The following ARID1B variants were observed in gnomAD, a reference collection of about 807,000 sequenced individuals.
The protein encoded by ARID1B is AT-rich interaction domain 1B.
Under a neutral mutation model 212.3 loss-of-function variants are expected in ARID1B, and 30 were observed. That is an observed-to-expected ratio of 0.14 (90% CI 0.11 to 0.19). The LOEUF is 0.19. ARID1B is among the 10% of genes least tolerant of loss of function. The probability of loss-of-function intolerance (pLI) is 1.00; values close to 1 mark genes in which losing one functional copy is unlikely to be tolerated. For synonymous variants in ARID1B, 1,402 were observed against 1,301.7 expected (o/e 1.08, Z -1.66); for missense variants, 2,891 against 3,204.0 (o/e 0.90, Z 2.36).
chr6:156,988,080 AT>A (rs1778044010), intron 4 of ARID1B, among the ~76,000 whole-genome samples: 2 of 152,188 alleles, frequency 1.3e-5, no homozygotes, highest in East Asian at 3.9e-4. Context: ...CTCTAAAAAA[AT>A]CTGATCTATT....
rs557393827 is a variant in ARID1B at position 156,892,048 on chromosome 6, T to C, written c.1987-9328T>C. On this transcript the variant is annotated intron_variant, in intron 2 of 19. Transcript: ENST00000636930. ...CACCACACCCAGCGAATTTTCTTTT[T>C]TTTTTTTTTTTCTTTTTTTTTTTGT... Among the ~76,000 whole-genome samples, 758 of 91,858 alleles carry C rather than the reference T, an allele frequency of 8.3e-3. 7 individuals are homozygous for C. Among genetic ancestry groups the C allele is most frequent in the African/African-American group, 0.026 (690 of 26,734 alleles). The allele number at this position is 91,858 out of a possible 152,430, so 60.3% of individuals were successfully genotyped here. A position where few individuals can be genotyped will look rare whatever the true frequency, so the allele number is the denominator to read the frequency against.
At chr6:156,877,193 T>C (rs1216738870) in intron 2 of ARID1B, among the ~76,000 whole-genome samples, 1 of 152,232 alleles carries the variant, frequency 6.6e-6, no homozygotes, top group East Asian at 1.9e-4. Context: ...TATGTTATTC[T>C]CCTGCTTAAA....
At chr6:157,032,687 T>C (rs1475316331) in intron 4 of ARID1B, among the ~76,000 whole-genome samples, 2 of 152,214 alleles carry the variant, frequency 1.3e-5, no homozygotes, top group African/African-American at 2.4e-5. Context: ...AATGTTATTA[T>C]TGACTTATTT....
At chr6:157,045,520 G>T (rs1782175228) in intron 4 of ARID1B, among the ~76,000 whole-genome samples, 1 of 152,108 alleles carries the variant, frequency 6.6e-6, no homozygotes, top group African/African-American at 2.4e-5. Context: ...AGGCTGGAGT[G>T]CAGTGGCACC....
chr6:157,200,782 C>T lies in ARID1B; in HGVS notation c.4557C>T (p.Tyr1519=), dbSNP rs1794042593. The change falls in exon 18 of 20, where the codon TAC becomes TAT. Residue 1519 remains tyrosine, a synonymous_variant. Coordinates refer to ENST00000636930, the MANE Select transcript of ARID1B (RefSeq NM_001374828.1). This position sits in a 1 kb window ranked among gnomAD's most constrained non-coding sequence, Gnocchi z 4.3. ...RHEGDMYNMQ[Y]SSQQQEMYNQ... ...AGGGCGACATGTACAACATGCAGTA[C>T]AGCAGCCAGCAGCAGGAGATGTACA... The T allele has an allele frequency of 6.2e-7, 1 of 1,614,096 alleles. No homozygotes were observed. The highest frequency in any genetic ancestry group is 8.5e-7 in the Non-Finnish European group (1 of 1,180,010).
At chr6:156,945,233 CTT>C (rs1164805779) in intron 4 of ARID1B, among the ~76,000 whole-genome samples, 96 of 32,584 alleles carry the variant, frequency 2.9e-3, no homozygotes, top group Non-Finnish European at 3.7e-3. Context: ...CCGCATCCGG[CTT>C]TTTTTTTTTT....
At chr6:157,004,897 C>CTTTTCTGTTT (rs1779129220) in intron 4 of ARID1B, among the ~76,000 whole-genome samples, 1 of 54,740 alleles carries the variant, frequency 1.8e-5, no homozygotes, top group African/African-American at 7.2e-5. Context: ...CTTCTTTTTT[C>CTTTTCTGTTT]TTTTTTTTTT....
In ARID1B at chr6:157,133,143, T is replaced by C. The variant is rs1331471442; in HGVS notation, c.2697T>C (p.Ser899=). ...GGGGCCAGATGCATGCTGGAATCAGTAGCTTTCAGCAGAGTAACTCAAGTG... is the reference window on the plus strand; with the variant it reads ...GGGGCCAGATGCATGCTGGAATCAGCAGCTTTCAGCAGAGTAACTCAAGTG... ...SPGGQMHAGI[S]SFQQSNSSGT... is the part of the protein sequence containing the mutation. Residue 899 remains serine (S), a synonymous_variant, in exon 7 of 20, where the codon AGT becomes AGC. Coordinates refer to ENST00000636930, the MANE Select transcript of ARID1B (RefSeq NM_001374828.1). 6.2e-7 allele frequency: 1 copy of C among 1,614,022 alleles called. No homozygotes were observed. Among genetic ancestry groups the C allele is most frequent in the African/African-American group, 1.3e-5 (1 of 74,904 alleles).
At chr6:157,092,062 G>T (rs969082432) in intron 5 of ARID1B, among the ~76,000 whole-genome samples, 2 of 152,126 alleles carry the variant, frequency 1.3e-5, no homozygotes, top group Admixed American at 6.5e-5. Flanking sequence ...AACACAAAAT[G>T]CCATTGATAT....
At chr6:157,111,630 T>A (rs1161250527) in intron 6 of ARID1B, among the ~76,000 whole-genome samples, 1 of 152,164 alleles carries the variant, frequency 6.6e-6, no homozygotes, top group Non-Finnish European at 1.5e-5. Flanking sequence ...AATTATGAGG[T>A]TTAAGTTATT....
intron 7 of ARID1B, among the ~76,000 whole-genome samples, chr6:157,141,604 A>G (rs956497622): frequency 1.3e-5 from 2 of 152,236 alleles, no homozygotes; most frequent in Non-Finnish European, 2.9e-5. Flanking sequence ...AGAAAGATAG[A>G]ATTGAAAGAA....
In ARID1B at chr6:156,817,576, C is replaced by T. The variant is rs554408480; in HGVS notation, c.1792-11651C>T. On this transcript the variant is annotated intron_variant, in intron 1 of 19. Coordinates refer to ENST00000636930, the MANE Select transcript of ARID1B (RefSeq NM_001374828.1). The stretch of plus-strand genomic sequence containing the variant: ...GCCCAGGAGTTTGAGGCTGTGTGAG[C>T]TGATTGCACCACTGCACTCCAGCCT... Among the ~76,000 whole-genome samples the T allele has an allele frequency of 4.7e-5, 7 of 150,534 alleles. No homozygotes were observed. In the East Asian group the frequency reaches 9.8e-4, roughly 21 times the overall value.
chr6:157,123,031 A>G (rs189893404), intron 6 of ARID1B, among the ~76,000 whole-genome samples: 2 of 152,162 alleles, frequency 1.3e-5, no homozygotes, highest in African/African-American at 4.8e-5. Flanking sequence ...CCCCACAAAA[A>G]ACCTAATGGG....
intron 1 of ARID1B, among the ~76,000 whole-genome samples, chr6:156,828,079 T>TTTTA (rs1782880471): frequency 6.7e-6 from 1 of 150,044 alleles, no homozygotes; most frequent in South Asian, 2.1e-4. Flanking sequence ...TTTTTTTTTT[T>TTTTA]CAAGAGACAG....
In ARID1B at chr6:157,210,088, C is replaced by G. The variant is rs1025059256; in HGVS notation, c.*2197C>G. The G allele has an allele frequency of 8.6e-6, 2 of 232,658 alleles. No individual in the cohort carries two copies. The highest frequency in any genetic ancestry group is 1.7e-5 in the Non-Finnish European group (2 of 117,822). The allele number at this position is 232,658 out of a possible 1,614,324, so 14.4% of individuals were successfully genotyped here. A position where few individuals can be genotyped will look rare whatever the true frequency, so the allele number is the denominator to read the frequency against. On this transcript the variant is annotated 3_prime_UTR_variant, in exon 20 of 20. Transcript: ENST00000636930. ...TGTGAGACGTGACTCTCCAGTGTCA[C>G]GAGGAAAAAAATCATCTTTTCTGCA...
In ARID1B at chr6:157,190,058, ACGACCCATT is replaced by A; in HGVS notation, c.4081_4089del (p.Asp1361_Phe1363del). The A allele has an allele frequency of 6.2e-7, 1 of 1,614,192 alleles. No individual in the cohort carries two copies. The highest frequency in any genetic ancestry group is 1.3e-5 in the African/African-American group (1 of 75,070). ...TTCAGAAGCAGTACAATCAGTGTGCACGACCCATTCTCAGATGTGAGTGATTCATCCTTC... is the reference window on the plus strand; with the variant it reads ...TTCAGAAGCAGTACAATCAGTGTGCACTCAGATGTGAGTGATTCATCCTTC... On this transcript the variant is annotated inframe_deletion, in exon 15 of 20. Transcript: ENST00000636930. This position sits in a 1 kb window ranked among gnomAD's most constrained non-coding sequence, Gnocchi z 4.6.
At chr6:156,905,527 T>TCTCAGAGTC in intron 3 of ARID1B, among the ~76,000 whole-genome samples, 1 of 152,340 alleles carries the variant, frequency 6.6e-6, no homozygotes, top group East Asian at 1.9e-4. Context: ...AAATTGTTAA[T>TCTCAGAGTC]TCCATTTACA....
In ARID1B at chr6:156,928,554, G is replaced by C. The variant is rs140958937; in HGVS notation, c.2137-6912G>C. On this transcript the variant is annotated intron_variant, in intron 3 of 19. Transcript: ENST00000636930. The stretch of plus-strand genomic sequence containing the variant: ...GTCCAAACATTAAGGATGCAGTTAA[G>C]GACCTCCTGTAGAGATTTGGGAATC... Among the ~76,000 whole-genome samples the C allele has an allele frequency of 6.2e-3, 951 of 152,294 alleles. 2 individuals carry two copies. Among genetic ancestry groups the C allele is most frequent in the Non-Finnish European group, 9.4e-3 (640 of 68,028 alleles).
At chr6:157,021,901 G>A (rs1347404184) in intron 4 of ARID1B, among the ~76,000 whole-genome samples, 1 of 152,080 alleles carries the variant, frequency 6.6e-6, no homozygotes, top group Non-Finnish European at 1.5e-5. Flanking sequence ...CTACCTCGCC[G>A]CGCGCCCCTA....
Sources: allele counts gnomAD v4.1 joint callset (sites outside exome capture counted in the v4.1 genomes callset), GRCh38; gene constraint gnomAD v4.1.1; non-coding constraint Gnocchi (gnomAD v3.1); transcripts MANE v1.5; gene names NCBI Gene and HGNC (gene_info 2026-07-23, HGNC 2026-07-21).